Variants in DENND5A observed in about 807,000 individuals in gnomAD.
DENND5A encodes the protein DENN domain containing 5A.
In DENND5A, 64 loss-of-function variants were observed where a neutral mutation model predicts 140.3. The observed-to-expected ratio is 0.46, with a 90% CI of 0.37 to 0.56. The LOEUF (loss-of-function observed/expected upper bound fraction) is 0.56. Ranked by LOEUF, DENND5A falls within the 20% of genes least tolerant of loss-of-function variation. The pLI is 0.00. For synonymous variants in DENND5A, 605 were observed against 607.7 expected (o/e 1.00, Z 0.07); for missense variants, 1,292 against 1,593.8 (o/e 0.81, Z 3.22).
At chr11:9,246,962 G>T (rs1238266216) in intron 1 of DENND5A, among the ~76,000 whole-genome samples, 1 of 152,114 alleles carries the variant, frequency 6.6e-6, no homozygotes, top group Non-Finnish European at 1.5e-5. Context: ...CGGGCGCGGT[G>T]GCTCACGCCT....
intron 11 of DENND5A, among the ~76,000 whole-genome samples, chr11:9,164,816 A>G (rs1848130366): frequency 6.6e-6 from 1 of 152,146 alleles, no homozygotes; most frequent in Non-Finnish European, 1.5e-5. Context: ...TAGAGTGAAG[A>G]CTAGTCTGAT....
chr11:9,152,495 G>A, intron 12 of DENND5A, 53 bp from the exon 13 acceptor site: 1 of 1,258,038 alleles, frequency 7.9e-7, no homozygotes, highest in Admixed American at 1.7e-5. Context: ...CAGGGGTCAA[G>A]GCTTTCAACA....
intron 1 of DENND5A, among the ~76,000 whole-genome samples, chr11:9,236,495 G>A (rs1851009272): frequency 6.6e-6 from 1 of 151,850 alleles, no homozygotes; most frequent in Non-Finnish European, 1.5e-5. Context: ...TTGCACCACT[G>A]CACTCCAGCC....
intron 1 of DENND5A, 107 bp downstream of exon 1, chr11:9,264,854 G>T: frequency 9.7e-7 from 1 of 1,033,964 alleles, no homozygotes; most frequent in South Asian, 1.5e-5. Flanking sequence ...CCTCCCGGCC[G>T]ACACTCGCCC....
At chr11:9,248,366 G>C (rs996880819) in intron 1 of DENND5A, among the ~76,000 whole-genome samples, 4 of 151,988 alleles carry the variant, frequency 2.6e-5, no homozygotes, top group African/African-American at 9.7e-5. Context: ...TGACTTAAAG[G>C]GAGGTTGGCC....
intron 1 of DENND5A, among the ~76,000 whole-genome samples, chr11:9,226,618 T>A (rs1457933349): frequency 5.3e-5 from 8 of 152,196 alleles, no homozygotes; most frequent in Non-Finnish European, 1.0e-4. Flanking sequence ...TCCTTTTTTT[T>A]AAATTCATAA....
intron 11 of DENND5A, among the ~76,000 whole-genome samples, chr11:9,164,007 AGTT>A (rs1314835299): frequency 6.3e-5 from 9 of 142,406 alleles, no homozygotes; most frequent in Non-Finnish European, 1.1e-4. Flanking sequence ...GCCTGGCCAG[AGTT>A]TTTTTTAACC....
chr11:9,225,518 G>C (rs1026416506), intron 1 of DENND5A, among the ~76,000 whole-genome samples: 2 of 152,164 alleles, frequency 1.3e-5, no homozygotes, highest in Non-Finnish European at 2.9e-5. Flanking sequence ...CCCAATGCTT[G>C]GGAGGCTGAA....
rs1014820154 is a variant in DENND5A at position 9,247,686 on chromosome 11, T to G, written c.109+17275A>C. Among the ~76,000 whole-genome samples the G allele has an allele frequency of 2.0e-5, 3 of 152,158 alleles. No individual in the cohort carries two copies. In the East Asian group the frequency reaches 5.8e-4, roughly 29 times the overall value. On this transcript the variant is annotated intron_variant, in intron 1 of 22. Coordinates refer to ENST00000328194, the MANE Select transcript of DENND5A (RefSeq NM_015213.4). ...GAGATGCTCATGTTACAGGTTGGTT[T>G]TGGTTTACAAATTTTGGATGAAGCC...
At chr11:9,187,351 T>C (rs1031526783) in intron 5 of DENND5A, among the ~76,000 whole-genome samples, 1 of 152,116 alleles carries the variant, frequency 6.6e-6, no homozygotes, top group Non-Finnish European at 1.5e-5. Flanking sequence ...TGCCAAGTGA[T>C]CAGTTTTCCT....
At chr11:9,252,761 T>A (rs1851785676) in intron 1 of DENND5A, among the ~76,000 whole-genome samples, 1 of 152,014 alleles carries the variant, frequency 6.6e-6, no homozygotes, top group Non-Finnish European at 1.5e-5. Context: ...CATATCAACA[T>A]ATGAAGTATA....
At chr11:9,234,758 CG>C in intron 1 of DENND5A, among the ~76,000 whole-genome samples, 1 of 152,304 alleles carries the variant, frequency 6.6e-6, no homozygotes, top group Non-Finnish European at 1.5e-5. Flanking sequence ...GATAACTAGC[CG>C]AACCCATCCC....
intron 12 of DENND5A, among the ~76,000 whole-genome samples, chr11:9,159,761 C>T (rs886405799): frequency 8.5e-5 from 13 of 152,206 alleles, no homozygotes; most frequent in African/African-American, 3.1e-4. Context: ...AAAGTGGCTG[C>T]ACCATTTTAC....
In DENND5A at chr11:9,204,130, T is replaced by G; in HGVS notation, c.479A>C (p.Glu160Ala). 6.2e-7 allele frequency: 1 copy of G among 1,614,156 alleles called. No individual in the cohort carries two copies. Among genetic ancestry groups the G allele is most frequent in the Non-Finnish European group, 8.5e-7 (1 of 1,180,026 alleles). ...AGGGGGAGCATGTAGGACATCATAC[T>G]CAGCATTGTGCATGTGGTAGAGGGT... ...MQTLYHMHNA[E>A]YDVLHAPPAD... Residue 160 changes from glutamate (E) to alanine (A), a missense_variant, in exon 4 of 23, where the codon GAG becomes GCG. This residue lies in a region of DENND5A where 566 missense variants were observed against 650.4 expected (regional missense o/e 0.87). Coordinates refer to ENST00000328194, the MANE Select transcript of DENND5A (RefSeq NM_015213.4).
At chr11:9,179,167 A>G (rs997150712) in intron 6 of DENND5A, 94 bp from the exon 7 acceptor site, 22 of 1,075,668 alleles carry the variant, frequency 2.0e-5, no homozygotes, top group Non-Finnish European at 2.9e-5. Context: ...ATTTTTTTTT[A>G]CAGTGCTAAT....
Position 9,203,700 on chromosome 11 carries a change from A to G in DENND5A, c.909T>C (p.Thr303=), listed in dbSNP as rs1590271021. The change falls in exon 4 of 23, where the codon ACT becomes ACC. Residue 303 remains threonine, a synonymous_variant. Coordinates refer to ENST00000328194, the MANE Select transcript of DENND5A (RefSeq NM_015213.4). The part of the protein sequence containing the change: ...LGVENVFQLF[T]CALLEFQILL... ...GGATTTGAAACTCCAGAAGGGCACA[A>G]GTAAAAAGCTGAAACACATTCTCCA... 1.2e-6 allele frequency: 2 copies of G among 1,614,106 alleles called. No homozygotes were observed. The highest frequency in any genetic ancestry group is 8.5e-7 in the Non-Finnish European group (1 of 1,180,026).
chr11:9,245,052 A>C (rs1851408271), intron 1 of DENND5A, among the ~76,000 whole-genome samples: 1 of 151,808 alleles, frequency 6.6e-6, no homozygotes, highest in African/African-American at 2.4e-5. Context: ...TGGGAGGCCA[A>C]GGCGGGTGAA....
chr11:9,158,389 A>G (rs1847878010), intron 12 of DENND5A, among the ~76,000 whole-genome samples: 1 of 151,818 alleles, frequency 6.6e-6, no homozygotes, highest in Non-Finnish European at 1.5e-5. Flanking sequence ...TACAAAAAAA[A>G]AAAATAGCTG....
At chr11:9,140,447 C>A (rs533363155) in intron 22 of DENND5A, among the ~76,000 whole-genome samples, 1 of 152,114 alleles carries the variant, frequency 6.6e-6, no homozygotes, top group Non-Finnish European at 1.5e-5. Flanking sequence ...GAATAAACTG[C>A]CTTAAGTTTA....
Sources: gnomAD v4.1 joint callset for allele counts (sites outside exome capture counted in the v4.1 genomes callset) on GRCh38, gnomAD v4.1.1 for gene constraint, gnomAD v4.1.1 regional missense constraint, MANE v1.5 for transcripts, NCBI Gene and HGNC (gene_info 2026-07-23, HGNC 2026-07-21) for gene names.